CPA6: variants seen among roughly 807,000 people sequenced by gnomAD.
CPA6 encodes the protein carboxypeptidase B.
In CPA6, 58 loss-of-function variants were observed where a neutral mutation model predicts 63.3. The observed-to-expected ratio is 0.92, with a 90% CI of 0.74 to 1.14. The LOEUF (loss-of-function observed/expected upper bound fraction) is 1.14. CPA6 is among the 50% of genes most tolerant of loss of function. The pLI is 0.00. For synonymous variants in CPA6, 185 were observed against 179.0 expected, an observed-to-expected ratio of 1.03 and a Z score of -0.27; for missense variants, 565 against 526.6, an observed-to-expected ratio of 1.07 and a Z score of -0.71.
At chr8:67,603,782 C>T (rs1206608717) in intron 2 of CPA6, among the ~76,000 whole-genome samples, 1 of 152,232 alleles carries the variant, frequency 6.6e-6, no homozygotes, top group African/African-American at 2.4e-5. Flanking sequence ...TCTAAAACTT[C>T]TCTTTGCTAA....
At chr8:67,488,401 CA>C (rs1315848841) in intron 6 of CPA6, among the ~76,000 whole-genome samples, 3 of 152,116 alleles carry the variant, frequency 2.0e-5, no homozygotes, top group Non-Finnish European at 2.9e-5. Flanking sequence ...TGTTCTGTTC[CA>C]TTGGTCTCTA....
chr8:67,628,159 G>C (rs1240645324), intron 1 of CPA6, among the ~76,000 whole-genome samples: 1 of 151,954 alleles, frequency 6.6e-6, no homozygotes, highest in Non-Finnish European at 1.5e-5. Context: ...ATTGCAGTGA[G>C]CCGAGATTGA....
chr8:67,574,468 C>T lies in CPA6; in HGVS notation c.192+49708G>A, dbSNP rs117186465. On this transcript the variant is annotated intron_variant, in intron 2 of 10. Transcript: ENST00000297770. Reference sequence around the variant, plus strand: ...AAGAACAAAGCTAGAGGTATCACACCAACTGTAGTTGATTTCAAACTATAC... The same window carrying T: ...AAGAACAAAGCTAGAGGTATCACACTAACTGTAGTTGATTTCAAACTATAC... 3.1e-4 allele frequency among the ~76,000 whole-genome samples: 47 copies of T among 151,846 alleles called. No individual in the cohort carries two copies. The East Asian group carries it at 3.3e-3, about 11-fold the overall frequency.
intron 9 of CPA6, among the ~76,000 whole-genome samples, chr8:67,428,516 C>T (rs1447518697): frequency 1.3e-5 from 2 of 152,074 alleles, no homozygotes; most frequent in South Asian, 2.1e-4. Context: ...AGGAGTCTCG[C>T]TCTGTCGCCC....
At chr8:67,680,925 T>C in intron 1 of CPA6, among the ~76,000 whole-genome samples, 1 of 152,196 alleles carries the variant, frequency 6.6e-6, no homozygotes, top group Non-Finnish European at 1.5e-5. Context: ...TGAAATACTT[T>C]GCTCATTTTC....
chr8:67,676,320 C>A (rs1292259018), intron 1 of CPA6, among the ~76,000 whole-genome samples: 1 of 152,196 alleles, frequency 6.6e-6, no homozygotes, highest in African/African-American at 2.4e-5. Context: ...GTTTAACCCA[C>A]GTTCAAATAG....
At chr8:67,590,996 T>C (rs1443140138) in intron 2 of CPA6, among the ~76,000 whole-genome samples, 2 of 152,344 alleles carry the variant, frequency 1.3e-5, no homozygotes, top group South Asian at 2.1e-4. Flanking sequence ...CTAGGTTTTC[T>C]TCTAGGGTTT....
intron 2 of CPA6, among the ~76,000 whole-genome samples, chr8:67,536,646 A>G (rs1812591127): frequency 6.6e-6 from 1 of 152,152 alleles, no homozygotes. Flanking sequence ...CTGCAAACAG[A>G]GACAATTTGA....
At chr8:67,451,424 C>T (rs919595039) in intron 8 of CPA6, among the ~76,000 whole-genome samples, 3 of 152,216 alleles carry the variant, frequency 2.0e-5, no homozygotes, top group Non-Finnish European at 2.9e-5. Flanking sequence ...CACTGTCTCC[C>T]ATCACCCCTA....
chr8:67,630,956 C>T (rs1174663729), intron 1 of CPA6, among the ~76,000 whole-genome samples: 2 of 152,232 alleles, frequency 1.3e-5, no homozygotes, highest in African/African-American at 4.8e-5. Context: ...TCAGCTGCCT[C>T]CCCGAGGGGC....
intron 8 of CPA6, among the ~76,000 whole-genome samples, chr8:67,436,073 C>T (rs919422553): frequency 3.0e-4 from 46 of 151,804 alleles, no homozygotes; most frequent in Admixed American, 1.1e-3. Flanking sequence ...CCTCCTGCAC[C>T]CCACCCCCAC....
intron 2 of CPA6, among the ~76,000 whole-genome samples, chr8:67,556,098 G>A (rs1320418700): frequency 6.6e-6 from 1 of 152,196 alleles, no homozygotes; most frequent in East Asian, 1.9e-4. Context: ...TGGATCATGA[G>A]CAAGAAACAA....
At chr8:67,580,349 A>T (rs1813739694) in intron 2 of CPA6, among the ~76,000 whole-genome samples, 1 of 152,254 alleles carries the variant, frequency 6.6e-6, no homozygotes, top group South Asian at 2.1e-4. Flanking sequence ...AGCATCATTT[A>T]GGTGAGAAGA....
intron 1 of CPA6, among the ~76,000 whole-genome samples, chr8:67,727,489 T>C (rs944618967): frequency 2.6e-5 from 4 of 152,164 alleles, no homozygotes; most frequent in Non-Finnish European, 5.9e-5. Flanking sequence ...ACTTCCCTTA[T>C]CTGACTCAGA....
intron 2 of CPA6, among the ~76,000 whole-genome samples, chr8:67,601,254 T>C (rs947646953): frequency 1.3e-5 from 2 of 152,184 alleles, no homozygotes; most frequent in African/African-American, 4.8e-5. Flanking sequence ...AACGGTAATA[T>C]CACAAACAGC....
chr8:67,511,101 T>G (rs935179534), intron 4 of CPA6, among the ~76,000 whole-genome samples: 18 of 152,136 alleles, frequency 1.2e-4, no homozygotes, highest in African/African-American at 4.3e-4. Flanking sequence ...TGCTCAAAGG[T>G]GCAGAGATGC....
rs560496913 is a variant in CPA6 at position 67,530,466 on chromosome 8, G to A, written c.193-12419C>T. Reference sequence around the variant, plus strand: ...ACGACAAACTAGTCCTGGGACTTACGTTTCTAGTAATACAGAGAACTAGAT... The same window carrying A: ...ACGACAAACTAGTCCTGGGACTTACATTTCTAGTAATACAGAGAACTAGAT... On this transcript the variant is annotated intron_variant, in intron 2 of 10. Coordinates refer to ENST00000297770, the MANE Select transcript of CPA6 (RefSeq NM_020361.5). Among the ~76,000 whole-genome samples, 10 of 152,194 alleles carry A rather than the reference G, an allele frequency of 6.6e-5. No homozygotes were observed. The South Asian group carries it at 1.2e-3, about 19-fold the overall frequency.
chr8:67,714,643 C>A (rs1817340722), intron 1 of CPA6, among the ~76,000 whole-genome samples: 1 of 152,100 alleles, frequency 6.6e-6, no homozygotes, highest in African/African-American at 2.4e-5. Flanking sequence ...CCACTGCACT[C>A]CAGCCTGGGC....
chr8:67,673,962 G>A (rs1425086736), intron 1 of CPA6, among the ~76,000 whole-genome samples: 1 of 152,108 alleles, frequency 6.6e-6, no homozygotes, highest in Non-Finnish European at 1.5e-5. Context: ...GGCTGTTTGA[G>A]TTGATGACAA....
Sources: gnomAD v4.1 joint callset for allele counts (sites outside exome capture counted in the v4.1 genomes callset) on GRCh38, gnomAD v4.1.1 for gene constraint, MANE v1.5 for transcripts, NCBI Gene and HGNC (gene_info 2026-07-23, HGNC 2026-07-21) for gene names.